LEMD3: variants seen among roughly 807,000 people sequenced by gnomAD.
The protein encoded by LEMD3 is inner nuclear membrane protein Man1.
A neutral mutation model predicts 95.2 loss-of-function variants in LEMD3; 33 were observed. The observed-to-expected ratio is 0.35, with a 90% CI of 0.26 to 0.46. LEMD3 has a LOEUF of 0.46. Ranked by LOEUF, LEMD3 falls within the 20% of genes least tolerant of loss-of-function variation. The pLI, the probability that LEMD3 is intolerant of heterozygous loss-of-function variation, is 1.00. For missense variants in LEMD3, 1,210 were observed against 1,192.8 expected (o/e 1.01, Z -0.21); for synonymous variants, 525 against 474.6 (o/e 1.11, Z -1.38).
chr12:65,191,289 C>A (rs774227476), intron 1 of LEMD3, among the ~76,000 whole-genome samples: 1 of 151,908 alleles, frequency 6.6e-6, no homozygotes, highest in African/African-American at 2.4e-5. Context: ...GATGACAGGA[C>A]TTAAAATGGC....
At position 65,170,961 on chromosome 12, in the gene LEMD3, G is replaced by C; in HGVS notation, c.1365G>C (p.Gln455His). The C allele has an allele frequency of 6.2e-7, 1 of 1,614,196 alleles. No individual in the cohort carries two copies. The highest frequency in any genetic ancestry group is 8.5e-7 in the Non-Finnish European group (1 of 1,180,036). The change falls in exon 1 of 13, where the codon CAG (glutamine) becomes CAC (histidine). Residue 455 changes from glutamine (Q) to histidine (H), a missense_variant. Gln to His is a conservative substitution (Grantham distance 24). Transcript: ENST00000308330. ...CCGAACCCGAAGAGGAACTTCTCCA[G>C]CAATTTAAACGGGAGGAGGTGTCCC... ...KLSEPEEELL[Q>H]QFKREEVSPT...
At chr12:65,245,548 A>C (rs1871080306) in intron 10 of LEMD3, 121 bp from the exon 11 acceptor site, 3 of 748,352 alleles carry the variant, frequency 4.0e-6, no homozygotes, top group Non-Finnish European at 7.1e-6. Context: ...ATACCAATTA[A>C]AATCGTATGT....
At chr12:65,240,795 A>G (rs539111333) in intron 8 of LEMD3, 114 bp from the exon 9 acceptor site, 1 of 920,136 alleles carries the variant, frequency 1.1e-6, no homozygotes, top group South Asian at 1.4e-5. Flanking sequence ...CTTTGAACAA[A>G]CTCCATGAGT....
chr12:65,174,656 G>A (rs1868659888), intron 1 of LEMD3, among the ~76,000 whole-genome samples: 1 of 152,100 alleles, frequency 6.6e-6, no homozygotes, highest in African/African-American at 2.4e-5. Flanking sequence ...GTGTGTGTGT[G>A]TGTATGTGTG....
chr12:65,195,158 C>T (rs1001271127), intron 1 of LEMD3, among the ~76,000 whole-genome samples: 7 of 152,070 alleles, frequency 4.6e-5, no homozygotes, highest in African/African-American at 1.7e-4. Flanking sequence ...TCTGCAGATG[C>T]AGAACCTGTG....
chr12:65,197,352 C>T (rs145136943), intron 1 of LEMD3, among the ~76,000 whole-genome samples: 1 of 152,234 alleles, frequency 6.6e-6, no homozygotes, highest in East Asian at 1.9e-4. Flanking sequence ...TGTATATTCT[C>T]TCACTCCACT....
At position 65,170,535 on chromosome 12, in the gene LEMD3, G is replaced by C; in HGVS notation, c.939G>C (p.Gly313=). The stretch of plus-strand genomic sequence containing the variant: ...GGCTGGAGACTTCAGTTCAGGGAGG[G>C]GGAGGACTCGCGATGAATGACAGGG... ...GGRLETSVQG[G]GGLAMNDRAA... is the part of the protein sequence containing the mutation. Residue 313 remains glycine (G), a synonymous_variant, in exon 1 of 13, where the codon GGG becomes GGC. Coordinates refer to ENST00000308330, the MANE Select transcript of LEMD3 (RefSeq NM_014319.5). 6.2e-7 allele frequency: 1 copy of C among 1,614,122 alleles called. No individual in the cohort carries two copies. Among genetic ancestry groups the C allele is most frequent in the Non-Finnish European group, 8.5e-7 (1 of 1,180,024 alleles).
intron 4 of LEMD3, among the ~76,000 whole-genome samples, chr12:65,235,461 G>A (rs575672229): frequency 9.3e-4 from 142 of 152,028 alleles, no homozygotes; most frequent in African/African-American, 3.4e-3. Flanking sequence ...TTGGCCCTAC[G>A]TATACATGGG....
intron 1 of LEMD3, among the ~76,000 whole-genome samples, chr12:65,183,391 A>G (rs1868964232): frequency 6.6e-6 from 1 of 152,160 alleles, no homozygotes; most frequent in Admixed American, 6.6e-5. Context: ...CCTGTTGGGT[A>G]GTGCAAGTCT....
intron 3 of LEMD3, among the ~76,000 whole-genome samples, chr12:65,217,264 A>C (rs114547950): frequency 0.026 from 4,019 of 152,296 alleles, 209 homozygotes; most frequent in African/African-American, 0.092. Context: ...AGCCATAAAT[A>C]CTACATAAGT....
intron 9 of LEMD3, among the ~76,000 whole-genome samples, chr12:65,241,610 A>G (rs1372337596): frequency 6.6e-6 from 1 of 152,108 alleles, no homozygotes; most frequent in Non-Finnish European, 1.5e-5. Flanking sequence ...AAACATGTAT[A>G]AATAAGAAAG....
At chr12:65,207,418 T>A (rs61561049) in intron 1 of LEMD3, among the ~76,000 whole-genome samples, 5,382 of 151,764 alleles carry the variant, frequency 0.035, 317 homozygotes, top group African/African-American at 0.12. Flanking sequence ...GGTAGTACAT[T>A]ACTGAGATTC....
At chr12:65,245,132 C>CTT (rs536543524) in intron 10 of LEMD3, among the ~76,000 whole-genome samples, 14 of 139,322 alleles carry the variant, frequency 1.0e-4, no homozygotes, top group South Asian at 4.6e-4. Flanking sequence ...TCTCTGCACT[C>CTT]TTTTTTTTTT....
chr12:65,197,618 T>C (rs999077747), intron 1 of LEMD3, among the ~76,000 whole-genome samples: 6 of 152,160 alleles, frequency 3.9e-5, no homozygotes, highest in African/African-American at 1.4e-4. Flanking sequence ...TGAATGACTT[T>C]TCATCTGTGT....
chr12:65,213,235 G>GT (rs1565790698), intron 2 of LEMD3, among the ~76,000 whole-genome samples: 1 of 151,930 alleles, frequency 6.6e-6, no homozygotes, highest in Non-Finnish European at 1.5e-5. Context: ...TTGTTTGTTT[G>GT]TTTTTTTGAG....
chr12:65,228,976 A>G (rs1029873743), intron 4 of LEMD3, among the ~76,000 whole-genome samples: 1 of 151,700 alleles, frequency 6.6e-6, no homozygotes, highest in Non-Finnish European at 1.5e-5. Flanking sequence ...CTGGCTACAG[A>G]CCCTCCACCT....
chr12:65,202,943 T>A lies in LEMD3; in HGVS notation c.1523-7983T>A, dbSNP rs978312779. Among the ~76,000 whole-genome samples the A allele has an allele frequency of 4.6e-5, 7 of 152,244 alleles. No individual in the cohort carries two copies. In the South Asian group the frequency reaches 8.3e-4, roughly 18 times the overall value. ...TAATTTGTTTCCTCTCTTTCTTAGC[T>A]AGCCCACCTAAACGCTTGTTAATTT... On this transcript the variant is annotated intron_variant, in intron 1 of 12. Transcript: ENST00000308330.
rs1870843515 is a variant in LEMD3 at position 65,238,655 on chromosome 12, T to G, written c.1776-14T>G. 1 of 1,613,972 alleles carries G rather than the reference T, an allele frequency of 6.2e-7. No individual in the cohort carries two copies. The highest frequency in any genetic ancestry group is 8.5e-7 in the Non-Finnish European group (1 of 1,179,852). ...TTTTTGACTTTAAATTCTACCTTAC[T>G]TATTTTTAAATAGGTGTGTTGGTTT... On this transcript the variant is annotated splice_polypyrimidine_tract_variant and intron_variant, in intron 5 of 12. Coordinates refer to ENST00000308330, the MANE Select transcript of LEMD3 (RefSeq NM_014319.5).
intron 1 of LEMD3, among the ~76,000 whole-genome samples, chr12:65,187,808 A>C (rs1195850314): frequency 1.4e-4 from 22 of 152,132 alleles, no homozygotes; most frequent in Admixed American, 1.2e-3. Context: ...AAGTAGTAAG[A>C]GTCACTGTAC....
Sources: gnomAD v4.1 joint callset for allele counts (sites outside exome capture counted in the v4.1 genomes callset) on GRCh38, gnomAD v4.1.1 for gene constraint, MANE v1.5 for transcripts, NCBI Gene and HGNC (gene_info 2026-07-23, HGNC 2026-07-21) for gene names.